TMEM236: variants seen among roughly 807,000 people sequenced by gnomAD.
TMEM236 encodes family with sequence similarity 23, member A.
A neutral mutation model predicts 14.7 loss-of-function variants in TMEM236; 11 were observed. The observed-to-expected ratio is 0.75, with a 90% CI of 0.47 to 1.24. The LOEUF is 1.24. Among genes scored for constraint, TMEM236 ranks in the 50% most tolerant of loss-of-function variants. TMEM236 has a pLI of 0.00. For synonymous variants in TMEM236, 182 were observed against 168.6 expected (o/e 1.08, Z -0.62); for missense variants, 464 against 427.3 (o/e 1.09, Z -0.76).
intron 3 of TMEM236, among the ~76,000 whole-genome samples, chr10:17,789,802 C>T (rs1837893984): frequency 6.6e-6 from 1 of 151,902 alleles, no homozygotes; most frequent in Non-Finnish European, 1.5e-5. Flanking sequence ...GAGGAGGATC[C>T]CGAGGTCAGG....
At chr10:17,792,368 G>GT (rs1410304884) in intron 3 of TMEM236, among the ~76,000 whole-genome samples, 5 of 152,160 alleles carry the variant, frequency 3.3e-5, no homozygotes, top group Non-Finnish European at 5.9e-5. Context: ...GATTACAGGC[G>GT]TAAGCCACCG....
intron 2 of TMEM236, among the ~76,000 whole-genome samples, chr10:17,773,516 T>G (rs1837608290): frequency 6.6e-6 from 1 of 152,168 alleles, no homozygotes; most frequent in African/African-American, 2.4e-5. Context: ...TTTTGTATTT[T>G]TAGTACAGAC....
rs1418600077 is a variant in TMEM236 at position 17,799,427 on chromosome 10, T to C, written c.*2923T>C. 2.0e-5 allele frequency: 3 copies of C among 152,248 alleles called. No homozygotes were observed. Among genetic ancestry groups the C allele is most frequent in the African/African-American group, 4.8e-5 (2 of 41,460 alleles). The allele number at this position is 152,248 out of a possible 1,614,324, so 9.4% of individuals were successfully genotyped here. A position where few individuals can be genotyped will look rare whatever the true frequency, so the allele number is the denominator to read the frequency against. Reference sequence around the variant, plus strand: ...CTGGCCAACATGGTGAAACACCGTCTGTACTAAAAATACAAAAATTAGCTG... The same window carrying C: ...CTGGCCAACATGGTGAAACACCGTCCGTACTAAAAATACAAAAATTAGCTG... On this transcript the variant is annotated 3_prime_UTR_variant, in exon 4 of 4. Coordinates refer to ENST00000377495, the MANE Select transcript of TMEM236 (RefSeq NM_001098844.3).
At position 17,776,170 on chromosome 10, in the gene TMEM236, A is replaced by G; in HGVS notation, c.472A>G (p.Ser158Gly). The change falls in exon 3 of 4, where the codon AGT (serine) becomes GGT (glycine). Residue 158 changes from serine (S) to glycine (G), a missense_variant and splice_region_variant. By Grantham distance (56) the Ser-to-Gly change is moderately conservative. Transcript: ENST00000377495. ...RIYPLRGSQKSSENGHIHSTS... is the reference protein window; with the variant it reads ...RIYPLRGSQKGSENGHIHSTS... ...ATATCCTCTTAGAGGGAGTCAAAAG[A>G]GTAAGTGTTCTTTTAAATGTGAATA... 1.2e-6 allele frequency: 2 copies of G among 1,611,396 alleles called. No homozygotes were observed. The highest frequency in any genetic ancestry group is 1.7e-5 in the Admixed American group (1 of 59,912).
Position 17,776,065 on chromosome 10 carries a change from C to G in TMEM236, c.367C>G (p.Pro123Ala). The G allele has an allele frequency of 6.2e-7, 1 of 1,613,846 alleles. No homozygotes were observed. The highest frequency in any genetic ancestry group is 8.5e-7 in the Non-Finnish European group (1 of 1,179,822). The part of the protein sequence containing the change: ...KSINGSADVL[P>A]DMLPDLPVSL... ...CATTAATGGGTCCGCTGATGTCTTA[C>G]CTGATATGTTACCTGACCTGCCCGT... is the stretch of plus-strand genomic sequence containing the variant. Residue 123 changes from proline to alanine, a missense_variant, in exon 3 of 4, where the codon CCT becomes GCT. Physicochemically the swap from Pro to Ala is conservative, Grantham distance 27 (BLOSUM62 -1). Transcript: ENST00000377495.
chr10:17,794,911 C>G (rs1365786824), intron 3 of TMEM236, among the ~76,000 whole-genome samples: 2 of 152,082 alleles, frequency 1.3e-5, no homozygotes, highest in Admixed American at 1.3e-4. Context: ...ACCTGTAATC[C>G]CAGCTACTCG....
At position 17,796,641 on chromosome 10, in the gene TMEM236, C is replaced by T; in HGVS notation, c.*137C>T. The T allele has an allele frequency of 2.8e-6, 2 of 722,332 alleles. No homozygotes were observed. The highest frequency in any genetic ancestry group is 6.6e-4 in the Middle Eastern group (2 of 3,040). The allele number at this position is 722,332 out of a possible 1,614,324, so 44.7% of individuals were successfully genotyped here. On this transcript the variant is annotated 3_prime_UTR_variant, in exon 4 of 4. Coordinates refer to ENST00000377495, the MANE Select transcript of TMEM236 (RefSeq NM_001098844.3). Reference sequence around the variant, plus strand: ...GTAGAGAATAAGCCATTTTTACTAACTCTAGCATATCAGTTTTTTTTTTTA... The same window carrying T: ...GTAGAGAATAAGCCATTTTTACTAATTCTAGCATATCAGTTTTTTTTTTTA...
chr10:17,792,254 ATGT>A (rs1376662105), intron 3 of TMEM236, among the ~76,000 whole-genome samples: 2 of 152,094 alleles, frequency 1.3e-5, no homozygotes, highest in African/African-American at 4.8e-5. Flanking sequence ...TGCCCGGCTA[ATGT>A]TGTGTATTTT....
chr10:17,774,892 G>C (rs1229149471), intron 2 of TMEM236, among the ~76,000 whole-genome samples: 3 of 151,364 alleles, frequency 2.0e-5, no homozygotes, highest in Admixed American at 6.6e-5. Context: ...CTGCCTCCTG[G>C]GTTCAAGCAA....
At position 17,764,219 on chromosome 10, in the gene TMEM236, C is replaced by T. The variant is rs1441914209; in HGVS notation, c.258-7090C>T. On this transcript the variant is annotated intron_variant, in intron 1 of 3. Transcript: ENST00000377495. ...GCTTCCTCTATGAGAAATCTCAGGG[C>T]CAGAATCCTTGCTGCACAAACAGGA... Among the ~76,000 whole-genome samples the T allele has an allele frequency of 2.6e-5, 4 of 152,168 alleles. No homozygotes were observed. In the South Asian group the frequency reaches 8.3e-4, roughly 32 times the overall value.
intron 1 of TMEM236, among the ~76,000 whole-genome samples, chr10:17,759,141 A>G (rs959937858): frequency 6.6e-6 from 1 of 152,236 alleles, no homozygotes; most frequent in Non-Finnish European, 1.5e-5. Context: ...CATAATAAAC[A>G]AGTGAGATGG....
intron 3 of TMEM236, among the ~76,000 whole-genome samples, chr10:17,793,154 A>G (rs907278012): frequency 6.6e-6 from 1 of 152,224 alleles, no homozygotes; most frequent in Non-Finnish European, 1.5e-5. Context: ...ATCTCACCAC[A>G]TACACATGTA....
At chr10:17,763,471 G>A (rs1837409192) in intron 1 of TMEM236, among the ~76,000 whole-genome samples, 2 of 152,158 alleles carry the variant, frequency 1.3e-5, no homozygotes, top group Admixed American at 1.3e-4. Flanking sequence ...CAGTAAGGGA[G>A]ATGTCCTATT....
chr10:17,781,926 A>T (rs1296758894), intron 3 of TMEM236, among the ~76,000 whole-genome samples: 1 of 152,122 alleles, frequency 6.6e-6, no homozygotes, highest in African/African-American at 2.4e-5. Flanking sequence ...ATGTTTAAAA[A>T]TCATTAACCT....
Position 17,769,199 on chromosome 10 carries a change from C to T in TMEM236, c.258-2110C>T, listed in dbSNP as rs1035790868. 2.2e-3 allele frequency among the ~76,000 whole-genome samples: 333 copies of T among 152,280 alleles called. 2 individuals carry two copies. Among genetic ancestry groups the T allele is most frequent in the African/African-American group, 7.3e-3 (304 of 41,550 alleles). On this transcript the variant is annotated intron_variant, in intron 1 of 3. Transcript: ENST00000377495. Reference sequence around the variant, plus strand: ...CCAACAGGAAACCAGTTAGGAAATACGGCAGATGAGAGGTGACAGTGGATG... The same window carrying T: ...CCAACAGGAAACCAGTTAGGAAATATGGCAGATGAGAGGTGACAGTGGATG...
chr10:17,771,452 A>G, intron 2 of TMEM236, 71 bp downstream of exon 2: 1 of 1,451,218 alleles, frequency 6.9e-7, no homozygotes, highest in Non-Finnish European at 9.7e-7. Flanking sequence ...GGAATTTGAT[A>G]GAGCAGCGTG....
intron 1 of TMEM236, among the ~76,000 whole-genome samples, chr10:17,768,838 T>A (rs1554834543): frequency 6.6e-6 from 1 of 152,010 alleles, no homozygotes; most frequent in Non-Finnish European, 1.5e-5. Context: ...GCATGTAGAC[T>A]AGGGTAATAA....
rs1837358234 is a variant in TMEM236, at chr10:17,761,275, C to G, written c.257+8723C>G. 2.0e-5 allele frequency among the ~76,000 whole-genome samples: 3 copies of G among 152,294 alleles called. No individual in the cohort carries two copies. In the South Asian group the frequency reaches 6.2e-4, roughly 32 times the overall value. On this transcript the variant is annotated intron_variant, in intron 1 of 3. Transcript: ENST00000377495. ...GTTTCTGTTCAAGGAAAAATGAAGA[C>G]CATTTCATTAACTAACGTTTGGGCT... is the stretch of plus-strand genomic sequence containing the variant.
intron 1 of TMEM236, among the ~76,000 whole-genome samples, chr10:17,762,827 A>G (rs967820957): frequency 4.6e-5 from 7 of 151,060 alleles, no homozygotes; most frequent in African/African-American, 1.5e-4. Flanking sequence ...ACTAATTTTT[A>G]AATTTCCTGT....
Sources: allele counts gnomAD v4.1 joint callset (sites outside exome capture counted in the v4.1 genomes callset), GRCh38; gene constraint gnomAD v4.1.1; transcripts MANE v1.5; gene names NCBI Gene and HGNC (gene_info 2026-07-23, HGNC 2026-07-21).